SEMA5A: variants seen among roughly 807,000 people sequenced by gnomAD.
SEMA5A encodes the protein semaphorin-5A.
A neutral mutation model predicts 135.5 loss-of-function variants in SEMA5A; 55 were observed. That is an observed-to-expected ratio of 0.41 (90% CI 0.33 to 0.51). The LOEUF (loss-of-function observed/expected upper bound fraction) is 0.51, where lower values mean the gene tolerates loss of function less well. Among genes scored for constraint, SEMA5A ranks in the 20% least tolerant of loss-of-function variants. The probability of loss-of-function intolerance (pLI) is 0.37; values close to 1 mark genes in which losing one functional copy is unlikely to be tolerated. For synonymous variants in SEMA5A, 580 were observed against 546.5 expected (o/e 1.06, Z -0.85); for missense variants, 1,290 against 1,419.9 (o/e 0.91, Z 1.47).
chr5:9,221,450 C>G lies in SEMA5A; in HGVS notation c.646+3224G>C, dbSNP rs1284030490. Among the ~76,000 whole-genome samples the G allele has an allele frequency of 4.6e-5, 7 of 151,202 alleles. No homozygotes were observed. In the East Asian group the frequency reaches 9.7e-4, roughly 21 times the overall value. On this transcript the variant is annotated intron_variant, in intron 8 of 22. Transcript: ENST00000382496. ...CCCGAGTAGCTGGGACTACAGGCGC[C>G]CACCACCACGCCCGGCTAATTTTTT...
In SEMA5A at chr5:9,066,636, GACTGGT is replaced by G; in HGVS notation, c.2078_2083del (p.Tyr693_Gln694del). 1 of 1,614,058 alleles carries G rather than the reference GACTGGT, an allele frequency of 6.2e-7. No homozygotes were observed. The highest frequency in any genetic ancestry group is 8.5e-7 in the Non-Finnish European group (1 of 1,180,024). ...CTCAGGACACGGGTTGGTGTTGCAA[GACTGGT>G]ACTCCTGGGGAGAATGCGCAGACGA... On this transcript the variant is annotated inframe_deletion, in exon 17 of 23. Coordinates refer to ENST00000382496, the MANE Select transcript of SEMA5A (RefSeq NM_003966.3).
intron 4 of SEMA5A, among the ~76,000 whole-genome samples, chr5:9,332,281 G>A (rs980640163): frequency 6.8e-6 from 1 of 147,428 alleles, no homozygotes; most frequent in Admixed American, 6.8e-5. Flanking sequence ...GGTGTGCAAG[G>A]TGTGCAACTA....
At chr5:9,299,003 A>T (rs1430108987) in intron 5 of SEMA5A, among the ~76,000 whole-genome samples, 1 of 152,198 alleles carries the variant, frequency 6.6e-6, no homozygotes, top group Admixed American at 6.5e-5. Flanking sequence ...CCAGTTAGTC[A>T]TTTGGACAGG....
chr5:9,056,409 T>C (rs549824626), intron 18 of SEMA5A, among the ~76,000 whole-genome samples: 130 of 152,260 alleles, frequency 8.5e-4, no homozygotes, highest in Middle Eastern at 3.4e-3. Flanking sequence ...CGGAAAACAA[T>C]GTGGAGGGTC....
intron 4 of SEMA5A, among the ~76,000 whole-genome samples, chr5:9,324,681 T>C (rs529113599): frequency 6.6e-6 from 1 of 152,252 alleles, no homozygotes; most frequent in Admixed American, 6.5e-5. Context: ...AAATTGATAT[T>C]CCCAGGTGTT....
intron 1 of SEMA5A, among the ~76,000 whole-genome samples, chr5:9,449,248 C>A (rs372015915): frequency 6.6e-6 from 1 of 152,092 alleles, no homozygotes; most frequent in Non-Finnish European, 1.5e-5. Context: ...TTAAAAGGGA[C>A]GAGATCATGT....
intron 1 of SEMA5A, among the ~76,000 whole-genome samples, chr5:9,536,476 G>T (rs1379240997): frequency 6.6e-6 from 1 of 152,128 alleles, no homozygotes; most frequent in Non-Finnish European, 1.5e-5. Context: ...AGCTGGGCAT[G>T]ATGGTGCATG....
intron 2 of SEMA5A, among the ~76,000 whole-genome samples, chr5:9,398,041 A>G (rs1756479519): frequency 6.6e-6 from 1 of 152,196 alleles, no homozygotes. Flanking sequence ...TCAGAGAAAA[A>G]TAAAATAGAG....
At chr5:9,135,731 T>C (rs1315786397) in intron 13 of SEMA5A, among the ~76,000 whole-genome samples, 1 of 152,144 alleles carries the variant, frequency 6.6e-6, no homozygotes, top group Non-Finnish European at 1.5e-5. Flanking sequence ...TTCCATTATA[T>C]GGAAGTTAAT....
At chr5:9,275,347 A>G (rs1275756835) in intron 5 of SEMA5A, among the ~76,000 whole-genome samples, 1 of 152,208 alleles carries the variant, frequency 6.6e-6, no homozygotes, top group Non-Finnish European at 1.5e-5. Context: ...TTAATAACCT[A>G]CCAACCAAAA....
chr5:9,449,226 A>T (rs534837487), intron 1 of SEMA5A, among the ~76,000 whole-genome samples: 3 of 152,348 alleles, frequency 2.0e-5, no homozygotes, highest in South Asian at 4.1e-4. Context: ...ATCATGGAAT[A>T]CTATGCAGCC....
At chr5:9,351,269 C>T (rs1208424348) in intron 3 of SEMA5A, among the ~76,000 whole-genome samples, 9 of 152,072 alleles carry the variant, frequency 5.9e-5, no homozygotes, top group Non-Finnish European at 1.2e-4. Context: ...ACAAATGCCA[C>T]TCATGATCCA....
At chr5:9,435,259 G>T (rs1757989763) in intron 2 of SEMA5A, among the ~76,000 whole-genome samples, 1 of 152,122 alleles carries the variant, frequency 6.6e-6, no homozygotes, top group South Asian at 2.1e-4. Flanking sequence ...GTATGTATAA[G>T]GGTGCAAACT....
chr5:9,357,707 C>G (rs1052361231), intron 3 of SEMA5A, among the ~76,000 whole-genome samples: 5 of 152,148 alleles, frequency 3.3e-5, no homozygotes, highest in Non-Finnish European at 4.4e-5. Flanking sequence ...TACCTGGTAA[C>G]ATCAAGGCGG....
chr5:9,111,638 C>G (rs559553149), intron 15 of SEMA5A, among the ~76,000 whole-genome samples: 1 of 152,122 alleles, frequency 6.6e-6, no homozygotes. Flanking sequence ...GATCTGCTGG[C>G]GTGTCACCCT....
At chr5:9,478,985 T>A (rs184690666) in intron 1 of SEMA5A, among the ~76,000 whole-genome samples, 1 of 152,308 alleles carries the variant, frequency 6.6e-6, no homozygotes, top group Non-Finnish European at 1.5e-5. Flanking sequence ...ATTGAATCAT[T>A]GGGGTAGTTT....
At chr5:9,146,176 T>C (rs2150240893) in intron 12 of SEMA5A, among the ~76,000 whole-genome samples, 1 of 152,224 alleles carries the variant, frequency 6.6e-6, no homozygotes, top group East Asian at 1.9e-4. Context: ...GAATACACTG[T>C]GCTCCAGCCC....
Position 9,405,010 on chromosome 5 carries a change from T to C in SEMA5A, c.-77-24987A>G, listed in dbSNP as rs1250225378. 3.9e-5 allele frequency among the ~76,000 whole-genome samples: 6 copies of C among 152,194 alleles called. No individual in the cohort carries two copies. The East Asian group carries it at 9.6e-4, about 24-fold the overall frequency. ...TCTCACCCAGTTTAATGGGAAGCTATGTGGTTTGGAAGCAAATTCTAGAGT... is the reference window on the plus strand; with the variant it reads ...TCTCACCCAGTTTAATGGGAAGCTACGTGGTTTGGAAGCAAATTCTAGAGT... On this transcript the variant is annotated intron_variant, in intron 2 of 22. Coordinates refer to ENST00000382496, the MANE Select transcript of SEMA5A (RefSeq NM_003966.3).
At chr5:9,085,584 C>T (rs1245793249) in intron 16 of SEMA5A, among the ~76,000 whole-genome samples, 1 of 152,200 alleles carries the variant, frequency 6.6e-6, no homozygotes, top group Non-Finnish European at 1.5e-5. Context: ...GTTTGGGAAC[C>T]TCCACCTAGA....
Sources: gnomAD v4.1 joint callset for allele counts (sites outside exome capture counted in the v4.1 genomes callset) on GRCh38, gnomAD v4.1.1 for gene constraint, MANE v1.5 for transcripts, NCBI Gene and HGNC (gene_info 2026-07-23, HGNC 2026-07-21) for gene names.